DPF3: variants seen among roughly 807,000 people sequenced by gnomAD.
The protein encoded by DPF3 is zinc finger protein DPF3.
In DPF3, 18 loss-of-function variants were observed where a neutral mutation model predicts 56.8. The ratio of observed to expected loss-of-function variants is 0.32; its 90% CI spans 0.22 to 0.47. The LOEUF (loss-of-function observed/expected upper bound fraction) is 0.47. DPF3 is among the 20% of genes least tolerant of loss of function. The pLI, the probability that DPF3 is intolerant of heterozygous loss-of-function variation, is 1.00. For synonymous variants in DPF3, 188 were observed against 180.2 expected (o/e 1.04, Z -0.35); for missense variants, 403 against 488.8 (o/e 0.82, Z 1.65).
intron 6 of DPF3, among the ~76,000 whole-genome samples, chr14:72,696,689 C>T (rs1887914866): frequency 1.3e-5 from 2 of 152,214 alleles, no homozygotes; most frequent in African/African-American, 4.8e-5. Flanking sequence ...AAAAAGCTCC[C>T]TCTATCTCCT....
intron 1 of DPF3, among the ~76,000 whole-genome samples, chr14:72,843,623 A>C (rs1160866415): frequency 6.6e-6 from 1 of 152,108 alleles, no homozygotes; most frequent in Admixed American, 6.5e-5. Flanking sequence ...GCTCACTGCA[A>C]CCTCCACCTC....
intron 4 of DPF3, among the ~76,000 whole-genome samples, chr14:72,725,299 A>T (rs1889355151): frequency 6.6e-6 from 1 of 152,148 alleles, no homozygotes; most frequent in Non-Finnish European, 1.5e-5. Context: ...AGGCAAGTTC[A>T]AAGTGCTATG....
At chr14:72,876,894 C>T in intron 1 of DPF3, among the ~76,000 whole-genome samples, 1 of 152,258 alleles carries the variant, frequency 6.6e-6, no homozygotes, top group East Asian at 1.9e-4. Flanking sequence ...CTCAGGAATG[C>T]ATGCTCTGCT....
intron 1 of DPF3, among the ~76,000 whole-genome samples, chr14:72,876,869 C>G (rs11626844): frequency 6.6e-6 from 1 of 152,136 alleles, no homozygotes; most frequent in Admixed American, 6.5e-5. Flanking sequence ...TGGAACCTCA[C>G]GTGAAGCAGC....
At chr14:72,808,226 G>A (rs149895006) in intron 1 of DPF3, among the ~76,000 whole-genome samples, 4 of 152,230 alleles carry the variant, frequency 2.6e-5, no homozygotes, top group East Asian at 1.9e-4. Context: ...CAGCAGAACC[G>A]AGGTGAAATG....
chr14:72,892,616 A>C (rs1886797544), intron 1 of DPF3: 2 of 1,213,902 alleles, frequency 1.6e-6, no homozygotes, highest in Admixed American at 4.2e-5. Flanking sequence ...CCTGGTTTTC[A>C]ACTCCAGGAG....
intron 3 of DPF3, among the ~76,000 whole-genome samples, chr14:72,735,327 C>T (rs1889846299): frequency 6.6e-6 from 1 of 152,146 alleles, no homozygotes; most frequent in Non-Finnish European, 1.5e-5. Flanking sequence ...CAGTATCTAC[C>T]CACTATAGAA....
intron 8 of DPF3, among the ~76,000 whole-genome samples, chr14:72,665,093 T>C (rs189369730): frequency 5.3e-5 from 8 of 152,300 alleles, no homozygotes; most frequent in Admixed American, 3.3e-4. Context: ...CAACGGTCCA[T>C]CTGGAGCTCT....
chr14:72,868,674 T>C (rs1885776206), intron 1 of DPF3, among the ~76,000 whole-genome samples: 1 of 152,044 alleles, frequency 6.6e-6, no homozygotes, highest in Non-Finnish European at 1.5e-5. Context: ...AATCTACCTA[T>C]AGCATGGAAA....
intron 1 of DPF3, among the ~76,000 whole-genome samples, chr14:72,877,938 C>G (rs1886179632): frequency 6.6e-6 from 1 of 152,174 alleles, no homozygotes; most frequent in Non-Finnish European, 1.5e-5. Context: ...ACCGGACAGC[C>G]CTGTGTCACC....
intron 1 of DPF3, among the ~76,000 whole-genome samples, chr14:72,823,320 G>C (rs1483783523): frequency 6.6e-6 from 1 of 152,234 alleles, no homozygotes; most frequent in Non-Finnish European, 1.5e-5. Context: ...TGTGAGACCA[G>C]AAAGATTACT....
chr14:72,655,236 G>A (rs570721509), intron 8 of DPF3, among the ~76,000 whole-genome samples: 10 of 152,046 alleles, frequency 6.6e-5, no homozygotes, highest in Admixed American at 2.0e-4. Flanking sequence ...AAAGAATGCC[G>A]ATCACTTCTT....
chr14:72,743,824 C>T (rs1890226047), intron 3 of DPF3, among the ~76,000 whole-genome samples: 1 of 152,192 alleles, frequency 6.6e-6, no homozygotes. Flanking sequence ...CAGGCCCCTG[C>T]CCAAGTCTTT....
rs970424470 is a variant in DPF3, at chr14:72,661,854, C to T, written c.871+12386G>A. On this transcript the variant is annotated intron_variant, in intron 8 of 10. Coordinates refer to ENST00000556509, the MANE Select transcript of DPF3 (RefSeq NM_001280542.3). ...ACCTCAGCTGATGCTTTTATTTTTG[C>T]TTTTTTTTTTTTTTTTTTTTTGCTG... The T allele has an allele frequency of 1.0e-3, 946 of 925,668 alleles. 13 individuals are homozygous for T. The African/African-American group carries it at 0.02, about 19-fold the overall frequency. 57.3% of individuals were successfully genotyped at this position (925,668 alleles called of 1,614,324 possible).
rs576156750 is a variant in DPF3 at position 72,870,459 on chromosome 14, T to A, written c.32+23598A>T. On this transcript the variant is annotated intron_variant, in intron 1 of 10. Transcript: ENST00000556509. ...CACCTCTGTGTGCTGTGTTTCTACA[T>A]CTGTGAACTTCTTGTTCTTTCTCAG... Among the ~76,000 whole-genome samples the A allele has an allele frequency of 6.6e-4, 100 of 152,344 alleles. 2 individuals carry two copies. The South Asian group carries it at 0.021, about 32-fold the overall frequency.
intron 7 of DPF3, among the ~76,000 whole-genome samples, chr14:72,677,607 T>C (rs971651470): frequency 7.2e-6 from 1 of 138,250 alleles, no homozygotes; most frequent in Non-Finnish European, 1.5e-5. Context: ...TTGGAACCCC[T>C]ACAATCTGTG....
chr14:72,632,314 T>G (rs1885214583), intron 8 of DPF3, among the ~76,000 whole-genome samples: 1 of 152,210 alleles, frequency 6.6e-6, no homozygotes, highest in Non-Finnish European at 1.5e-5. Flanking sequence ...TATTTGTACA[T>G]GTAAAACTAG....
chr14:72,768,015 TA>T (rs1229178953), intron 2 of DPF3, among the ~76,000 whole-genome samples: 1 of 152,064 alleles, frequency 6.6e-6, no homozygotes, highest in Admixed American at 6.6e-5. Context: ...ACTGCTAAAA[TA>T]AAAGGACTAT....
chr14:72,886,188 A>C (rs1234695719), intron 1 of DPF3, among the ~76,000 whole-genome samples: 1 of 152,172 alleles, frequency 6.6e-6, no homozygotes, highest in Non-Finnish European at 1.5e-5. Context: ...CCTGGCCAAC[A>C]TGGTGAAATG....
Sources: allele counts gnomAD v4.1 joint callset (sites outside exome capture counted in the v4.1 genomes callset), GRCh38; gene constraint gnomAD v4.1.1; transcripts MANE v1.5; gene names NCBI Gene and HGNC (gene_info 2026-07-23, HGNC 2026-07-21).